Variants in CEACAM20 observed in about 807,000 individuals in gnomAD.
The protein encoded by CEACAM20 is cell adhesion molecule CEACAM20.
CEACAM20 carries 50 observed loss-of-function variants against 61.2 expected under a neutral mutation model. The observed-to-expected ratio is 0.82, with a 90% CI of 0.65 to 1.03. CEACAM20 has a LOEUF of 1.03. Ranked by LOEUF, CEACAM20 falls within the 50% of genes least tolerant of loss-of-function variation. The pLI is 0.00. For synonymous variants in CEACAM20, 282 were observed against 287.7 expected, an observed-to-expected ratio of 0.98 and a Z score of 0.20; for missense variants, 683 against 736.4, an observed-to-expected ratio of 0.93 and a Z score of 0.84.
chr19:44,516,134 T>G (rs144158932), intron 6 of CEACAM20, among the ~76,000 whole-genome samples: 1 of 152,276 alleles, frequency 6.6e-6, no homozygotes, highest in East Asian at 1.9e-4. Flanking sequence ...TGGAGAAGGA[T>G]GTGAATCCCA....
At chr19:44,511,614 C>A in intron 10 of CEACAM20, 23 bp downstream of exon 10, 1 of 1,609,512 alleles carries the variant, frequency 6.2e-7, no homozygotes, top group South Asian at 1.1e-5. Context: ...ATTCTTTAAC[C>A]AAACCCAGCA....
intron 6 of CEACAM20, 35 bp downstream of exon 6, chr19:44,516,911 C>G (rs370337537): frequency 3.2e-6 from 5 of 1,568,334 alleles, no homozygotes; most frequent in Non-Finnish European, 4.3e-6. Context: ...AAAGGCCCCT[C>G]GGGTCCTGGG....
intron 5 of CEACAM20, among the ~76,000 whole-genome samples, chr19:44,518,608 C>T (rs1043013778): frequency 2.6e-5 from 4 of 151,976 alleles, no homozygotes; most frequent in Non-Finnish European, 5.9e-5. Flanking sequence ...GTTTAAGAGT[C>T]ATACTTTATT....
At chr19:44,509,172 G>A (rs771060188) in intron 11 of CEACAM20, among the ~76,000 whole-genome samples, 19 of 151,852 alleles carry the variant, frequency 1.3e-4, no homozygotes, top group Non-Finnish European at 2.6e-4. Context: ...CCAAAGAAGT[G>A]CAAATGAAAG....
At chr19:44,522,054 C>A (rs746982107) in intron 4 of CEACAM20, among the ~76,000 whole-genome samples, 1 of 152,082 alleles carries the variant, frequency 6.6e-6, no homozygotes, top group Admixed American at 6.5e-5. Context: ...CATTGGAAAT[C>A]CCCCTGGGTC....
At chr19:44,511,726 C>T (rs756429516) in intron 9 of CEACAM20, 54 bp from the exon 10 acceptor site, 3 of 1,566,520 alleles carry the variant, frequency 1.9e-6, no homozygotes, top group Non-Finnish European at 2.6e-6. Context: ...AGGGGCTACC[C>T]CAAGAGATGC....
rs566706027 is a variant in CEACAM20, at chr19:44,513,919, C to A, written c.1310-630G>T. Among the ~76,000 whole-genome samples the A allele has an allele frequency of 2.6e-5, 4 of 152,174 alleles. No homozygotes were observed. The South Asian group carries it at 8.3e-4, about 32-fold the overall frequency. ...TAGAAAGATTAAACATACATGTATTCATTTTCTATATATATAGTGTTTGTT... is the reference window on the plus strand; with the variant it reads ...TAGAAAGATTAAACATACATGTATTAATTTTCTATATATATAGTGTTTGTT... On this transcript the variant is annotated intron_variant, in intron 6 of 11. Coordinates refer to ENST00000614924, the MANE Select transcript of CEACAM20 (RefSeq NM_001102597.3).
chr19:44,513,259 G>A lies in CEACAM20; in HGVS notation c.1340C>T (p.Ala447Val), dbSNP rs777747913. Residue 447 changes from alanine to valine, a missense_variant, in exon 7 of 12, where the codon GCC (alanine) becomes GTC (valine). Ala to Val is a moderately conservative substitution (Grantham distance 64, BLOSUM62 0). Coordinates refer to ENST00000614924, the MANE Select transcript of CEACAM20 (RefSeq NM_001102597.3). ...GATCCCGATGACAATACCAGCGATG[G>A]CCCCTGAGGACAGGGAGGAGGACTG... ...GPQSSSLSSG[A>V]IAGIVIGILA... is the part of the protein sequence containing the mutation. 1.2e-6 allele frequency: 2 copies of A among 1,613,730 alleles called. No homozygotes were observed. The highest frequency in any genetic ancestry group is 1.1e-5 in the South Asian group (1 of 91,062).
At chr19:44,518,235 A>C (rs867617922) in intron 5 of CEACAM20, among the ~76,000 whole-genome samples, 2 of 52,648 alleles carry the variant, frequency 3.8e-5, no homozygotes, top group Non-Finnish European at 6.0e-5. Flanking sequence ...AGAGAGAGAG[A>C]AAGGAAGGAA....
intron 10 of CEACAM20, 56 bp from the exon 11 acceptor site, chr19:44,511,211 T>C: frequency 6.2e-7 from 1 of 1,600,874 alleles, no homozygotes; most frequent in South Asian, 1.1e-5. Flanking sequence ...GCCAGGAATG[T>C]ACCAACTTAC....
chr19:44,513,095 G>T, intron 7 of CEACAM20, 77 bp downstream of exon 7: 1 of 1,346,496 alleles, frequency 7.4e-7, no homozygotes, highest in Non-Finnish European at 1.0e-6. Context: ...CAGCACCATG[G>T]TCAGCAACAC....
At chr19:44,507,395 C>A (rs1970849748) in intron 11 of CEACAM20, among the ~76,000 whole-genome samples, 1 of 152,164 alleles carries the variant, frequency 6.6e-6, no homozygotes, top group Non-Finnish European at 1.5e-5. Context: ...CAATCTGATT[C>A]TTCTATGGAG....
chr19:44,510,943 C>A, intron 11 of CEACAM20, 87 bp downstream of exon 11: 1 of 1,502,856 alleles, frequency 6.7e-7, no homozygotes, highest in Non-Finnish European at 9.1e-7. Context: ...CTTCATAGTT[C>A]ATCCTACAGA....
At chr19:44,528,098 T>TCTCTTTCTGCCCC (rs1971580959) in intron 1 of CEACAM20, among the ~76,000 whole-genome samples, 2 of 152,092 alleles carry the variant, frequency 1.3e-5, no homozygotes. Context: ...TCTGTCTCCC[T>TCTCTTTCTGCCCC]CTCTTTCTGC....
At chr19:44,528,144 CT>C (rs1415623934) in intron 1 of CEACAM20, among the ~76,000 whole-genome samples, 1 of 129,318 alleles carries the variant, frequency 7.7e-6, no homozygotes, top group Non-Finnish European at 1.6e-5. Flanking sequence ...CTCTTTCTTT[CT>C]TTTCTTTCTT....
At chr19:44,517,751 T>A (rs1437961911) in intron 5 of CEACAM20, among the ~76,000 whole-genome samples, 1 of 145,330 alleles carries the variant, frequency 6.9e-6, no homozygotes, top group Non-Finnish European at 1.5e-5. Context: ...TTCAAAGAAG[T>A]GTTTTAGGTC....
At chr19:44,513,324 A>G in intron 6 of CEACAM20, 35 bp from the exon 7 acceptor site, 1 of 1,424,240 alleles carries the variant, frequency 7.0e-7, no homozygotes, top group Non-Finnish European at 9.9e-7. Context: ...CCCAGGCTTG[A>G]CACACCCTCA....
At chr19:44,509,204 T>C (rs1476437171) in intron 11 of CEACAM20, among the ~76,000 whole-genome samples, 5 of 151,024 alleles carry the variant, frequency 3.3e-5, no homozygotes, top group African/African-American at 1.2e-4. Flanking sequence ...AAAGGAAAAT[T>C]GTAACAGAAA....
At chr19:44,513,142 C>G in intron 7 of CEACAM20, 30 bp downstream of exon 7, 1 of 1,558,184 alleles carries the variant, frequency 6.4e-7, no homozygotes, top group Non-Finnish European at 8.8e-7. Context: ...CATCCCCATC[C>G]CCATCCCCCT....
Sources: allele counts gnomAD v4.1 joint callset (sites outside exome capture counted in the v4.1 genomes callset), GRCh38; gene constraint gnomAD v4.1.1; transcripts MANE v1.5; gene names NCBI Gene and HGNC (gene_info 2026-07-23, HGNC 2026-07-21).